Variants in SNRPN observed in about 807,000 individuals in gnomAD.
The protein encoded by SNRPN is small nuclear ribonucleoprotein polypeptide N, also known as small nuclear ribonucleoprotein-associated protein N.
SNRPN carries 7 observed loss-of-function variants against 25.2 expected under a neutral mutation model. The ratio of observed to expected loss-of-function variants is 0.28; its 90% CI spans 0.16 to 0.52. The LOEUF (loss-of-function observed/expected upper bound fraction) is 0.52, where lower values mean the gene tolerates loss of function less well. Ranked by LOEUF, SNRPN falls within the 20% of genes least tolerant of loss-of-function variation. The pLI is 0.96. For missense variants in SNRPN, 196 were observed against 322.5 expected (o/e 0.61, Z 3.00); for synonymous variants, 124 against 110.6 (o/e 1.12, Z -0.76).
At chr15:24,912,864 TG>T (rs1333276145) in intron 2 of SNRPN, among the ~76,000 whole-genome samples, 1 of 152,234 alleles carries the variant, frequency 6.6e-6, no homozygotes, top group Non-Finnish European at 1.5e-5. Flanking sequence ...TCTGCTGCTT[TG>T]ATCTTGGACC....
intron 1 of SNRPN, among the ~76,000 whole-genome samples, chr15:24,871,303 C>T (rs576341370): frequency 1.3e-5 from 2 of 151,822 alleles, no homozygotes; most frequent in African/African-American, 4.8e-5. Flanking sequence ...TTTTTATTAC[C>T]CTAAAGAAAT....
At chr15:24,939,625 G>T (rs1407260948) in intron 3 of SNRPN, among the ~76,000 whole-genome samples, 2 of 151,984 alleles carry the variant, frequency 1.3e-5, no homozygotes, top group Non-Finnish European at 2.9e-5. Flanking sequence ...TAGAGACGGG[G>T]TTTCACCGTG....
At chr15:24,856,526 C>T (rs2053406597), upstream of SNRPN, 1 of 152,272 alleles carries the variant, frequency 6.6e-6, no homozygotes, top group South Asian at 2.1e-4. Context: ...ACCACGCCCA[C>T]CAAGGGCGGG....
chr15:24,898,545 A>T (rs1005767013), intron 2 of SNRPN, among the ~76,000 whole-genome samples: 5 of 151,970 alleles, frequency 3.3e-5, no homozygotes, highest in African/African-American at 4.8e-5. Flanking sequence ...CGAAGATCGC[A>T]CCACTGCACC....
chr15:24,940,642 C>T (rs2061494489), intron 3 of SNRPN, among the ~76,000 whole-genome samples: 1 of 152,056 alleles, frequency 6.6e-6, no homozygotes, highest in African/African-American at 2.4e-5. Context: ...GGACTACGTG[C>T]AGTGAGGAAG....
chr15:24,834,062 A>T (rs1389012293), intron 2 of SNRPN, among the ~76,000 whole-genome samples: 3 of 152,084 alleles, frequency 2.0e-5, no homozygotes, highest in Non-Finnish European at 4.4e-5. Context: ...AGCAGCTGGG[A>T]TTACAGGCGC....
chr15:24,850,525 G>A (rs1186571931), intron 2 of SNRPN: 1 of 152,208 alleles, frequency 6.6e-6, no homozygotes, highest in African/African-American at 2.4e-5. Flanking sequence ...TTTTTGGCCA[G>A]GCTGGTCTCA....
intron 3 of SNRPN, among the ~76,000 whole-genome samples, chr15:24,931,109 G>A (rs768172133): frequency 1.1e-4 from 16 of 152,144 alleles, no homozygotes; most frequent in Admixed American, 4.6e-4. Context: ...TTGAGAGTAC[G>A]TTACTACAAG....
chr15:24,952,644 T>G (rs1396576757), upstream of SNRPN, among the ~76,000 whole-genome samples: 1 of 152,138 alleles, frequency 6.6e-6, no homozygotes, highest in Non-Finnish European at 1.5e-5. Flanking sequence ...GGAAAGGCAG[T>G]CAGAGTTTGA....
At chr15:24,932,981 G>T (rs1285565798) in intron 3 of SNRPN, among the ~76,000 whole-genome samples, 1 of 151,908 alleles carries the variant, frequency 6.6e-6, no homozygotes, top group Non-Finnish European at 1.5e-5. Context: ...GTTTACTTTT[G>T]ACTGGGCATG....
At chr15:24,855,462 G>A (rs1184188992), upstream of SNRPN, among the ~76,000 whole-genome samples, 1 of 151,860 alleles carries the variant, frequency 6.6e-6, no homozygotes, top group Non-Finnish European at 1.5e-5. Context: ...ATCTTTTTTT[G>A]TATGGAAAAC....
chr15:24,875,611 T>G (rs2055778908), intron 1 of SNRPN, among the ~76,000 whole-genome samples: 1 of 152,168 alleles, frequency 6.6e-6, no homozygotes, highest in Non-Finnish European at 1.5e-5. Context: ...CCCATTGAAC[T>G]TTAATATGTA....
chr15:24,852,425 T>C (rs2052946242), upstream of SNRPN, among the ~76,000 whole-genome samples: 1 of 152,212 alleles, frequency 6.6e-6, no homozygotes, highest in Non-Finnish European at 1.5e-5. Flanking sequence ...TCTTCTTCAT[T>C]CTGCAAAAGT....
chr15:24,910,865 G>T, intron 2 of SNRPN: 1 of 590,328 alleles, frequency 1.7e-6, no homozygotes, highest in South Asian at 2.4e-5. Flanking sequence ...TTGATTCAGG[G>T]TGCTTTTAGT....
At chr15:24,966,322 A>G (rs2075629740) in intron 2 of SNRPN, among the ~76,000 whole-genome samples, 1 of 152,204 alleles carries the variant, frequency 6.6e-6, no homozygotes, top group African/African-American at 2.4e-5. Context: ...AGATGCATAG[A>G]GCAAAATCTG....
chr15:24,920,608 G>A (rs947083701), intron 3 of SNRPN: 3 of 152,172 alleles, frequency 2.0e-5, no homozygotes, highest in Admixed American at 1.3e-4. Context: ...CAAATCTGAG[G>A]AGGGAGCAGA....
chr15:24,974,671 A>G, intron 4 of SNRPN: 1 of 628,954 alleles, frequency 1.6e-6, no homozygotes, highest in Non-Finnish European at 2.8e-6. Flanking sequence ...CCCAGTCTGG[A>G]GTGCAGTGGT....
chr15:24,828,615 A>G (rs1019661576), intron 1 of SNRPN, among the ~76,000 whole-genome samples: 1 of 152,138 alleles, frequency 6.6e-6, no homozygotes, highest in Non-Finnish European at 1.5e-5. Flanking sequence ...ATAGTAAGTA[A>G]TAAGCATTTG....
chr15:24,910,372 A>G (rs746282882), intron 2 of SNRPN, among the ~76,000 whole-genome samples: 6 of 152,036 alleles, frequency 3.9e-5, no homozygotes, highest in Non-Finnish European at 8.8e-5. Flanking sequence ...AGTCCCAGCT[A>G]CTCTGCAGGC....
Sources: allele counts gnomAD v4.1 joint callset (sites outside exome capture counted in the v4.1 genomes callset), GRCh38; gene constraint gnomAD v4.1.1; transcripts MANE v1.5; gene names NCBI Gene and HGNC (gene_info 2026-07-23, HGNC 2026-07-21).